Variants in STING1 observed in about 807,000 individuals in gnomAD.
STING1 encodes stimulator of interferon response cGAMP interactor 1.
A neutral mutation model predicts 31.6 loss-of-function variants in STING1; 19 were observed. The ratio of observed to expected loss-of-function variants is 0.60; its 90% CI spans 0.42 to 0.88. The LOEUF is 0.88. STING1 is among the 40% of genes least tolerant of loss of function. STING1 has a pLI of 0.00. For missense variants in STING1, 371 were observed against 483.7 expected (o/e 0.77, Z 2.19); for synonymous variants, 200 against 208.6 (o/e 0.96, Z 0.35).
intron 5 of STING1, chr5:139,479,173 G>A (rs1044027417): frequency 1.3e-5 from 2 of 152,470 alleles, no homozygotes; most frequent in African/African-American, 4.8e-5. Flanking sequence ...AGGTTGCAGT[G>A]AGCTGAGATC....
At position 139,480,944 on chromosome 5, in the gene STING1, C is replaced by T. The variant is rs148884539; in HGVS notation, c.412-46G>A. ...CTGGGGGGCCTCCATCAAGGACACCCAGAGAACTCCTCCTCCTCCTCCAAG... is the reference window on the plus strand; with the variant it reads ...CTGGGGGGCCTCCATCAAGGACACCTAGAGAACTCCTCCTCCTCCTCCAAG... On this transcript the variant is annotated intron_variant, in intron 4 of 7. Transcript: ENST00000330794. 3,318 of 1,458,718 alleles carry T rather than the reference C, an allele frequency of 2.3e-3. 17 individuals carry two copies. Among genetic ancestry groups the T allele is most frequent in the Admixed American group, 4.8e-3 (276 of 57,466 alleles). 90.4% of individuals were successfully genotyped at this position (1,458,718 alleles called of 1,614,324 possible). A position where few individuals can be genotyped will look rare whatever the true frequency, so the allele number is the denominator to read the frequency against.
In STING1 at chr5:139,481,197, C is replaced by T. The variant is rs1324345443; in HGVS notation, c.373G>A (p.Gly125Ser). 1 of 1,614,040 alleles carries T rather than the reference C, an allele frequency of 6.2e-7. No homozygotes were observed. Among genetic ancestry groups the T allele is most frequent in the African/African-American group, 1.3e-5 (1 of 74,924 alleles). ...PPFTWMLALL[G>S]LSQALNILLG... The stretch of plus-strand genomic sequence containing the variant: ...AGGATGTTCAGTGCCTGCGAGAGGC[C>T]CAGGAGGGCAAGCATCCAAGTGAAG... Residue 125 changes from glycine to serine, a missense_variant, in exon 4 of 8, where the codon GGC becomes AGC. Gly to Ser is a moderately conservative substitution (Grantham distance 56). Coordinates refer to ENST00000330794, the MANE Select transcript of STING1 (RefSeq NM_198282.4). This position sits in a 1 kb window ranked among gnomAD's most constrained non-coding sequence, Gnocchi z 4.1.
chr5:139,476,116 C>G lies in STING1; in HGVS notation c.*145G>C. On this transcript the variant is annotated 3_prime_UTR_variant, in exon 8 of 8. Coordinates refer to ENST00000330794, the MANE Select transcript of STING1 (RefSeq NM_198282.4). ...ATGACTGGCCCAAGGGGACAAGACG[C>G]ATCTTAAGATGTCAAGTCCTGGACC... 2 of 629,714 alleles carry G rather than the reference C, an allele frequency of 3.2e-6. No individual in the cohort carries two copies. The highest frequency in any genetic ancestry group is 2.8e-6 in the Non-Finnish European group (1 of 360,612). The allele number at this position is 629,714 out of a possible 1,614,324, so 39.0% of individuals were successfully genotyped here.
intron 7 of STING1, among the ~76,000 whole-genome samples, chr5:139,477,085 C>T (rs116098952): frequency 1.9e-3 from 282 of 152,232 alleles, no homozygotes; most frequent in African/African-American, 6.4e-3. Context: ...CTTCTGTTTC[C>T]TCTGGAATCC....
chr5:139,475,855 G>C lies in STING1; in HGVS notation c.*406C>G, dbSNP rs1751640290. 6.3e-6 allele frequency: 1 copy of C among 158,194 alleles called. No individual in the cohort carries two copies. Among genetic ancestry groups the C allele is most frequent in the African/African-American group, 2.4e-5 (1 of 41,614 alleles). The allele number at this position is 158,194 out of a possible 1,614,324, so 9.8% of individuals were successfully genotyped here. ...TGACCAGGAGCCAGAGGGCGAAGGA[G>C]CCTGTTGATACCATTGAGAGAGTTC... is the stretch of plus-strand genomic sequence containing the variant. On this transcript the variant is annotated 3_prime_UTR_variant, in exon 8 of 8. Transcript: ENST00000330794.
Position 139,481,573 on chromosome 5 carries a change from G to C in STING1, c.132C>G (p.Leu44=). Residue 44 remains leucine (L), a synonymous_variant, in exon 3 of 8, where the codon CTC becomes CTG. Coordinates refer to ENST00000330794, the MANE Select transcript of STING1 (RefSeq NM_198282.4). The surrounding 1 kb of genome is among the most constrained non-coding windows in gnomAD (Gnocchi z 4.1). The stretch of plus-strand genomic sequence containing the variant: ...AGGCTAGGTGGAGCACCAGGTACCG[G>C]AGAGTGTGCTCTGGTGGCTCTCCTA... The part of the protein sequence containing the change: ...WGLGEPPEHT[L]RYLVLHLASL... The C allele has an allele frequency of 6.2e-7, 1 of 1,613,892 alleles. No homozygotes were observed.
At chr5:139,480,372 C>T (rs1357498171) in intron 5 of STING1, among the ~76,000 whole-genome samples, 1 of 152,004 alleles carries the variant, frequency 6.6e-6, no homozygotes. Context: ...ACGGTGAAAC[C>T]CTGTCTCTAC....
chr5:139,480,917 G>T lies in STING1; in HGVS notation c.412-19C>A. ...CCAGGCCCTGTGGACAGCAGGATGT[G>T]GCTGGGGGGCCTCCATCAAGGACAC... is the stretch of plus-strand genomic sequence containing the variant. On this transcript the variant is annotated intron_variant, in intron 4 of 7. Coordinates refer to ENST00000330794, the MANE Select transcript of STING1 (RefSeq NM_198282.4). 6.3e-7 allele frequency: 1 copy of T among 1,583,078 alleles called. No individual in the cohort carries two copies. Among genetic ancestry groups the T allele is most frequent in the Non-Finnish European group, 8.7e-7 (1 of 1,152,798 alleles).
chr5:139,481,560 G>A lies in STING1; in HGVS notation c.145C>T (p.Leu49Phe). 1.2e-6 allele frequency: 2 copies of A among 1,613,990 alleles called. No homozygotes were observed. The highest frequency in any genetic ancestry group is 1.7e-6 in the Non-Finnish European group (2 of 1,179,984). ...PPEHTLRYLV[L>F]HLASLQLGLL... ...CCCAGCTGCAGGGAGGCTAGGTGGAGCACCAGGTACCGGAGAGTGTGCTCT... is the reference window on the plus strand; with the variant it reads ...CCCAGCTGCAGGGAGGCTAGGTGGAACACCAGGTACCGGAGAGTGTGCTCT... Residue 49 changes from leucine (L) to phenylalanine (F), a missense_variant, in exon 3 of 8, where the codon CTC (leucine) becomes TTC (phenylalanine). Transcript: ENST00000330794. This position sits in a 1 kb window ranked among gnomAD's most constrained non-coding sequence, Gnocchi z 4.1.
intron 5 of STING1, 97 bp from the exon 6 acceptor site, chr5:139,478,605 T>G: frequency 9.5e-7 from 1 of 1,052,912 alleles, no homozygotes; most frequent in Non-Finnish European, 1.4e-6. Flanking sequence ...AGTGTGTGGG[T>G]GCCAGAGAAT....
rs141928874 is a variant in STING1 at position 139,477,485 on chromosome 5, G to A, written c.790C>T (p.Pro264Ser). The A allele has an allele frequency of 6.8e-6, 11 of 1,614,138 alleles. No individual in the cohort carries two copies. The highest frequency in any genetic ancestry group is 2.7e-5 in the African/African-American group (2 of 75,044). The change falls in exon 7 of 8, where the codon CCC (proline) becomes TCC (serine). Residue 264 changes from proline (P) to serine (S), a missense_variant. Transcript: ENST00000330794. ...AGTCVLEYAT[P>S]LQTLFAMSQY... ...GACATGGCAAACAAAGTCTGCAAGG[G>A]GGTGGCGTACTCCAGGACACAGGTG...
chr5:139,478,606 G>T, intron 5 of STING1, 98 bp from the exon 6 acceptor site: 2 of 1,060,166 alleles, frequency 1.9e-6, no homozygotes, highest in Non-Finnish European at 2.8e-6. Context: ...GTGTGTGGGT[G>T]CCAGAGAATG....
At chr5:139,476,764 G>T (rs1751671837) in intron 7 of STING1, among the ~76,000 whole-genome samples, 1 of 152,032 alleles carries the variant, frequency 6.6e-6, no homozygotes, top group Non-Finnish European at 1.5e-5. Flanking sequence ...AATTAGCTGG[G>T]CATGGTGGCG....
rs539460680 is a variant in STING1 at position 139,477,197 on chromosome 5, T to C, written c.946+132A>G. 2.3e-5 allele frequency: 21 copies of C among 929,838 alleles called. No individual in the cohort carries two copies. In the African/African-American group the frequency reaches 3.5e-4, roughly 15 times the overall value. 57.6% of individuals were successfully genotyped at this position (929,838 alleles called of 1,614,324 possible). ...ATCTGGTGTGCTGGGAAGAGGGGGC[T>C]TCTCCCAGGGAAGGAAGGACAGGCC... On this transcript the variant is annotated intron_variant, in intron 7 of 7. Coordinates refer to ENST00000330794, the MANE Select transcript of STING1 (RefSeq NM_198282.4).
chr5:139,476,399 C>A lies in STING1; in HGVS notation c.1002G>T (p.Arg334=). Residue 334 remains arginine (R), a synonymous_variant, in exon 8 of 8, where the codon CGG becomes CGT. Coordinates refer to ENST00000330794, the MANE Select transcript of STING1 (RefSeq NM_198282.4). ...CAGTAACCTCTTCCTTTTCCTCCTG[C>A]CGCAGGTGCCGGAGAACCTCCTGGG... ...SLSQEVLRHL[R]QEEKEEVTVG... 6.2e-7 allele frequency: 1 copy of A among 1,612,600 alleles called. No individual in the cohort carries two copies. The highest frequency in any genetic ancestry group is 8.5e-7 in the Non-Finnish European group (1 of 1,180,018).
intron 5 of STING1, chr5:139,479,075 A>G (rs1198941398): frequency 6.5e-6 from 1 of 153,206 alleles, no homozygotes; most frequent in Non-Finnish European, 1.5e-5. Flanking sequence ...CTAAAAATAC[A>G]AAAATTAGCC....
chr5:139,476,937 A>G (rs1323460863), intron 7 of STING1, among the ~76,000 whole-genome samples: 1 of 151,604 alleles, frequency 6.6e-6, no homozygotes, highest in Non-Finnish European at 1.5e-5. Context: ...TTCAGAGAGA[A>G]TGAAATTCCA....
At chr5:139,478,017 C>T (rs1751713081) in intron 6 of STING1, among the ~76,000 whole-genome samples, 1 of 152,192 alleles carries the variant, frequency 6.6e-6, no homozygotes, top group Non-Finnish European at 1.5e-5. Context: ...ACAGTCCCTA[C>T]CCCATAGGGT....
In STING1 at chr5:139,481,132, G is replaced by C. The variant is rs776314864; in HGVS notation, c.411+27C>G. 3.1e-6 allele frequency: 5 copies of C among 1,612,510 alleles called. No homozygotes were observed. The African/African-American group carries it at 6.7e-5, about 22-fold the overall frequency. Reference sequence around the variant, plus strand: ...ACCAGCCACAGCCACCACTTGGCCAGAGCTTCTACCTCCCCCTGTGTCATA... The same window carrying C: ...ACCAGCCACAGCCACCACTTGGCCACAGCTTCTACCTCCCCCTGTGTCATA... On this transcript the variant is annotated intron_variant, in intron 4 of 7. Transcript: ENST00000330794. This position sits in a 1 kb window ranked among gnomAD's most constrained non-coding sequence, Gnocchi z 4.1.
Sources: allele counts gnomAD v4.1 joint callset (sites outside exome capture counted in the v4.1 genomes callset), GRCh38; gene constraint gnomAD v4.1.1; non-coding constraint Gnocchi (gnomAD v3.1); transcripts MANE v1.5; gene names NCBI Gene and HGNC (gene_info 2026-07-23, HGNC 2026-07-21).